Variants in KLHL4 observed in about 807,000 individuals in gnomAD.
KLHL4 encodes kelch-like protein 4.
Under a neutral mutation model 45.8 loss-of-function variants are expected in KLHL4, and 17 were observed. The observed-to-expected ratio is 0.37, with a 90% CI of 0.25 to 0.56. KLHL4 has a LOEUF of 0.56. Ranked by LOEUF, KLHL4 falls within the 20% of genes least tolerant of loss-of-function variation. The pLI is 0.79. For synonymous variants in KLHL4, 224 were observed against 189.9 expected, an observed-to-expected ratio of 1.18 and a Z score of -1.47; for missense variants, 544 against 544.9, an observed-to-expected ratio of 1.00 and a Z score of 0.02.
chrX:87,666,211 T>C (rs967039605), intron 10 of KLHL4, among the ~76,000 whole-genome samples: 8 of 111,239 alleles, frequency 7.2e-5, no homozygotes, highest in African/African-American at 2.6e-4. Flanking sequence ...TAATTTGGTG[T>C]AATTTTTCAA....
intron 10 of KLHL4, 66 bp from the exon 11 acceptor site, chrX:87,666,409 A>G: frequency 9.6e-7 from 1 of 1,039,552 alleles, no homozygotes; most frequent in Non-Finnish European, 1.3e-6. Flanking sequence ...TATATTGAAT[A>G]TAATATTTTA....
intron 1 of KLHL4, among the ~76,000 whole-genome samples, chrX:87,522,463 C>T (rs768975026): frequency 8.9e-6 from 1 of 112,113 alleles, no homozygotes; most frequent in Non-Finnish European, 1.9e-5. Context: ...AGCTGATGCT[C>T]ATATCTACAA....
At chrX:87,528,039 A>G (rs5967842) in intron 1 of KLHL4, among the ~76,000 whole-genome samples, 28,817 of 110,149 alleles carry the variant, frequency 0.26, 3,094 homozygotes, top group East Asian at 0.54. Flanking sequence ...GAAAGAATAG[A>G]GAATGTAGAA....
intron 1 of KLHL4, among the ~76,000 whole-genome samples, chrX:87,528,601 G>A (rs1420190798): frequency 9.6e-6 from 1 of 104,000 alleles, no homozygotes; most frequent in Non-Finnish European, 1.9e-5. Flanking sequence ...TGTAGTTCCA[G>A]CAACTCGAGA....
At chrX:87,587,603 C>A (rs1188872616) in intron 1 of KLHL4, among the ~76,000 whole-genome samples, 1 of 111,057 alleles carries the variant, frequency 9.0e-6, no homozygotes, top group African/African-American at 3.3e-5. Flanking sequence ...AATTAAACAT[C>A]CTTTCATGAT....
chrX:87,663,022 C>CTTTTT (rs56203819), intron 9 of KLHL4, among the ~76,000 whole-genome samples: 1 of 87,631 alleles, frequency 1.1e-5, no homozygotes, highest in African/African-American at 4.1e-5. Flanking sequence ...TTTTCTGATG[C>CTTTTT]TTTTTTTTTT....
At chrX:87,664,963 T>A in intron 10 of KLHL4, 28 bp downstream of exon 10, 1 of 964,563 alleles carries the variant, frequency 1.0e-6, no homozygotes, top group Non-Finnish European at 1.4e-6. Context: ...TTCAAATTAC[T>A]ATATTTCAGG....
In KLHL4 at chrX:87,669,516, T is replaced by C; in HGVS notation, c.*2982T>C. The C allele has an allele frequency of 1.2e-6, 1 of 856,709 alleles. No individual in the cohort carries two copies. Among genetic ancestry groups the C allele is most frequent in the Non-Finnish European group, 1.5e-6 (1 of 648,037 alleles). 70.6% of individuals were successfully genotyped at this position (856,709 alleles called of 1,213,427 possible). ...TTTCCTTCTGGAGTTCCAAATGCAA[T>C]ATAGAAAAAAAAACCCTGTGACTCT... On this transcript the variant is annotated 3_prime_UTR_variant, in exon 11 of 11. Coordinates refer to ENST00000373119, the MANE Select transcript of KLHL4 (RefSeq NM_019117.5).
intron 8 of KLHL4, among the ~76,000 whole-genome samples, chrX:87,635,213 G>A (rs181976766): frequency 1.8e-5 from 2 of 111,971 alleles, no homozygotes; most frequent in African/African-American, 6.5e-5. Flanking sequence ...AGTTGTTGGA[G>A]TTGGTCTTTG....
intron 1 of KLHL4, among the ~76,000 whole-genome samples, chrX:87,582,768 C>T (rs1013728842): frequency 9.9e-5 from 11 of 111,470 alleles, no homozygotes; most frequent in Admixed American, 7.6e-4. Flanking sequence ...CGCAGGCCTT[C>T]GTGGTGAGTG....
intron 1 of KLHL4, among the ~76,000 whole-genome samples, chrX:87,534,266 G>T (rs949495642): frequency 9.0e-6 from 1 of 110,860 alleles, no homozygotes; most frequent in Non-Finnish European, 1.9e-5. Flanking sequence ...CATTAAAAAT[G>T]TAGTTATTCA....
intron 1 of KLHL4, among the ~76,000 whole-genome samples, chrX:87,526,286 G>A: frequency 8.9e-6 from 1 of 112,093 alleles, no homozygotes; most frequent in African/African-American, 3.2e-5. Context: ...TAAGATGTTG[G>A]TTTTCTATTA....
At chrX:87,571,359 A>G (rs763364141) in intron 1 of KLHL4, among the ~76,000 whole-genome samples, 40 of 111,348 alleles carry the variant, frequency 3.6e-4, no homozygotes, top group African/African-American at 1.2e-3. Context: ...TTTAAACACC[A>G]AGATTAACAT....
intron 1 of KLHL4, among the ~76,000 whole-genome samples, chrX:87,600,484 CA>C (rs148536239): frequency 0.44 from 30,425 of 69,512 alleles, 5,161 homozygotes; most frequent in Middle Eastern, 0.52. Flanking sequence ...CTTCGTCTCA[CA>C]AAAAAAAAAA....
chrX:87,663,421 T>A (rs2147844003), intron 9 of KLHL4, among the ~76,000 whole-genome samples: 1 of 112,609 alleles, frequency 8.9e-6, no homozygotes, highest in South Asian at 3.6e-4. Context: ...TTAGTTTTTC[T>A]TCAAAAGAGT....
At chrX:87,622,748 T>A (rs887731873) in intron 5 of KLHL4, among the ~76,000 whole-genome samples, 10 of 109,992 alleles carry the variant, frequency 9.1e-5, no homozygotes, top group African/African-American at 3.3e-4. Flanking sequence ...CTAGGCAAAA[T>A]GTTAGTAATT....
At chrX:87,530,009 C>G (rs1478163415) in intron 1 of KLHL4, among the ~76,000 whole-genome samples, 2 of 111,461 alleles carry the variant, frequency 1.8e-5, no homozygotes, top group East Asian at 2.8e-4. Flanking sequence ...AAAAATTCAT[C>G]TCCTGGATAT....
chrX:87,593,912 A>G (rs1223095617), intron 1 of KLHL4, among the ~76,000 whole-genome samples: 1 of 112,193 alleles, frequency 8.9e-6, no homozygotes, highest in Non-Finnish European at 1.9e-5. Context: ...TCATAAAATG[A>G]TATCACAAGG....
intron 3 of KLHL4, among the ~76,000 whole-genome samples, chrX:87,616,510 G>A (rs1394771180): frequency 9.0e-6 from 1 of 111,489 alleles, no homozygotes; most frequent in Non-Finnish European, 1.9e-5. Context: ...TTTCCAGTAA[G>A]CATTCGTAGG....
Sources: allele counts gnomAD v4.1 joint callset (sites outside exome capture counted in the v4.1 genomes callset), GRCh38; gene constraint gnomAD v4.1.1; transcripts MANE v1.5; gene names NCBI Gene and HGNC (gene_info 2026-07-23, HGNC 2026-07-21).